VMP1: variants seen among roughly 807,000 people sequenced by gnomAD.
VMP1 encodes the protein ectopic P-granules autophagy protein 3 homolog.
In VMP1, 11 loss-of-function variants were observed where a neutral mutation model predicts 56.0. That is an observed-to-expected ratio of 0.20 (90% CI 0.12 to 0.32). The LOEUF (loss-of-function observed/expected upper bound fraction) is 0.32, where lower values mean the gene tolerates loss of function less well. VMP1 is among the 10% of genes least tolerant of loss of function. The pLI, the probability that VMP1 is intolerant of heterozygous loss-of-function variation, is 1.00. For missense variants in VMP1, 296 were observed against 490.3 expected (o/e 0.60, Z 3.74); for synonymous variants, 149 against 165.0 (o/e 0.90, Z 0.74).
At chr17:59,818,356 G>A (rs530254732) in intron 10 of VMP1, among the ~76,000 whole-genome samples, 3 of 151,742 alleles carry the variant, frequency 2.0e-5, no homozygotes, top group African/African-American at 4.8e-5. Context: ...GACAGAGCAA[G>A]ACTCTATCTC....
At chr17:59,795,629 G>A (rs1568163605) in intron 7 of VMP1, among the ~76,000 whole-genome samples, 1 of 151,436 alleles carries the variant, frequency 6.6e-6, no homozygotes, top group African/African-American at 2.4e-5. Flanking sequence ...GGGCAACATG[G>A]TGAAATCCTC....
chr17:59,739,745 A>T (rs1200149064), intron 5 of VMP1, among the ~76,000 whole-genome samples: 1 of 125,680 alleles, frequency 8.0e-6, no homozygotes, highest in Non-Finnish European at 1.7e-5. Flanking sequence ...AAAAAAAAAA[A>T]GTGCCCCTTC....
chr17:59,739,198 G>A (rs1179531478), intron 5 of VMP1, among the ~76,000 whole-genome samples: 3 of 152,256 alleles, frequency 2.0e-5, no homozygotes, highest in East Asian at 1.9e-4. Flanking sequence ...TTAGTTTAGC[G>A]TGGAAGGTTT....
At chr17:59,791,219 G>A (rs987463116) in intron 7 of VMP1, among the ~76,000 whole-genome samples, 70 of 130,948 alleles carry the variant, frequency 5.3e-4, no homozygotes, top group African/African-American at 1.8e-3. Context: ...ATGGAGTCCC[G>A]CTCTTGTTGC....
intron 10 of VMP1, among the ~76,000 whole-genome samples, chr17:59,822,174 A>C (rs2038478365): frequency 6.6e-6 from 1 of 151,988 alleles, no homozygotes; most frequent in African/African-American, 2.4e-5. Context: ...AAACAGTATA[A>C]ATAATTAGAC....
chr17:59,821,410 C>T (rs1422411815), intron 10 of VMP1, among the ~76,000 whole-genome samples: 2 of 152,056 alleles, frequency 1.3e-5, no homozygotes, highest in East Asian at 3.8e-4. Context: ...CTACTGGATT[C>T]AGATTTGTAT....
At chr17:59,790,045 T>C (rs2037170016) in intron 7 of VMP1, among the ~76,000 whole-genome samples, 1 of 151,976 alleles carries the variant, frequency 6.6e-6, no homozygotes, top group African/African-American at 2.4e-5. Flanking sequence ...TTCACCATAT[T>C]GGCCAGGCTG....
At chr17:59,718,256 G>A (rs910938746) in intron 1 of VMP1, among the ~76,000 whole-genome samples, 27 of 142,064 alleles carry the variant, frequency 1.9e-4, no homozygotes, top group Admixed American at 1.1e-3. Flanking sequence ...GAGTGCAGTG[G>A]CACAATCTCA....
chr17:59,716,904 C>T (rs1467651101), intron 1 of VMP1, among the ~76,000 whole-genome samples: 2 of 152,154 alleles, frequency 1.3e-5, no homozygotes, highest in Non-Finnish European at 2.9e-5. Flanking sequence ...CACTCTTAGC[C>T]AAATCTCCCA....
intron 7 of VMP1, among the ~76,000 whole-genome samples, chr17:59,784,138 T>A (rs61325087): frequency 0.019 from 2,499 of 132,372 alleles, 27 homozygotes; most frequent in South Asian, 0.029. Flanking sequence ...TGTGTGTGTG[T>A]GTGTGAGAGA....
chr17:59,757,557 AC>A (rs1442047858), intron 5 of VMP1, among the ~76,000 whole-genome samples: 1 of 152,184 alleles, frequency 6.6e-6, no homozygotes, highest in Non-Finnish European at 1.5e-5. Context: ...ACAGACAAGT[AC>A]CTACATCTGC....
chr17:59,812,427 A>G (rs1474960760), intron 9 of VMP1, among the ~76,000 whole-genome samples: 1 of 152,190 alleles, frequency 6.6e-6, no homozygotes, highest in East Asian at 1.9e-4. Flanking sequence ...GGGTGTGTGC[A>G]TGTGTATGTG....
intron 5 of VMP1, among the ~76,000 whole-genome samples, chr17:59,740,553 A>G (rs2035189185): frequency 6.6e-6 from 1 of 152,178 alleles, no homozygotes; most frequent in South Asian, 2.1e-4. Context: ...ATGCTTTGGG[A>G]ATTAATCTAT....
chr17:59,737,473 T>C lies in VMP1; in HGVS notation c.233T>C (p.Ile78Thr). The change falls in exon 4 of 12, where the codon ATT becomes ACT. Residue 78 changes from isoleucine (I) to threonine (T), a missense_variant. Ile to Thr is a moderately conservative substitution (Grantham distance 89, BLOSUM62 -1). Coordinates refer to ENST00000262291, the MANE Select transcript of VMP1 (RefSeq NM_030938.5). Reference sequence around the variant, plus strand: ...TTAAGATTATGGCATCGTCAAAGCATTGTGGTGTCTTTTTTACTGCTGCTT... The same window carrying C: ...TTAAGATTATGGCATCGTCAAAGCACTGTGGTGTCTTTTTTACTGCTGCTT... Reference protein sequence around the residue: ...WTSKLWHRQSIVVSFLLLLAV... With the variant: ...WTSKLWHRQSTVVSFLLLLAV... 2.5e-6 allele frequency: 4 copies of C among 1,611,886 alleles called. No homozygotes were observed. The highest frequency in any genetic ancestry group is 3.4e-6 in the Non-Finnish European group (4 of 1,179,196).
chr17:59,714,265 G>A (rs1394024503), intron 1 of VMP1, among the ~76,000 whole-genome samples: 3 of 152,024 alleles, frequency 2.0e-5, no homozygotes, highest in African/African-American at 7.2e-5. Flanking sequence ...AGCTGAGTGT[G>A]CAAGCTCAGT....
At chr17:59,771,386 A>G (rs1183393438) in intron 6 of VMP1, among the ~76,000 whole-genome samples, 1 of 152,010 alleles carries the variant, frequency 6.6e-6, no homozygotes, top group Non-Finnish European at 1.5e-5. Context: ...GCCGGTTTTA[A>G]ACTGCTGGGA....
chr17:59,761,025 C>G (rs1471413143), intron 5 of VMP1, among the ~76,000 whole-genome samples: 3 of 152,146 alleles, frequency 2.0e-5, no homozygotes, highest in Non-Finnish European at 4.4e-5. Context: ...GCCCCAGCCT[C>G]CCCAGTAGCT....
chr17:59,733,620 T>A (rs549698418), intron 2 of VMP1, among the ~76,000 whole-genome samples: 70 of 152,018 alleles, frequency 4.6e-4, no homozygotes, highest in African/African-American at 1.6e-3. Flanking sequence ...GAGAACCGCT[T>A]TAACCAGGGA....
intron 1 of VMP1, among the ~76,000 whole-genome samples, chr17:59,713,352 T>A (rs2034007137): frequency 6.6e-6 from 1 of 152,024 alleles, no homozygotes; most frequent in Non-Finnish European, 1.5e-5. Flanking sequence ...TATACATATG[T>A]AACAAACCTG....
Sources: gnomAD v4.1 joint callset for allele counts (sites outside exome capture counted in the v4.1 genomes callset) on GRCh38, gnomAD v4.1.1 for gene constraint, MANE v1.5 for transcripts, NCBI Gene and HGNC (gene_info 2026-07-23, HGNC 2026-07-21) for gene names.